The following PTK2 variants were observed in gnomAD, a reference collection of about 807,000 sequenced individuals.
PTK2 encodes focal adhesion kinase 1.
In PTK2, 45 loss-of-function variants were observed where a neutral mutation model predicts 150.1. The ratio of observed to expected loss-of-function variants is 0.30; its 90% CI spans 0.24 to 0.38. PTK2 has a LOEUF of 0.38. Among genes scored for constraint, PTK2 ranks in the 10% least tolerant of loss-of-function variants. The pLI is 1.00. For missense variants in PTK2, 919 were observed against 1,307.3 expected (o/e 0.70, Z 4.58); for synonymous variants, 432 against 449.2 (o/e 0.96, Z 0.48).
rs867860093 is a variant in PTK2 at position 140,730,965 on chromosome 8, C to T, written c.2030+4286G>A. Among the ~76,000 whole-genome samples the T allele has an allele frequency of 6.8e-3, 561 of 82,472 alleles. 4 individuals are homozygous for T. The highest frequency in any genetic ancestry group is 0.024 in the South Asian group (59 of 2,452). The allele number at this position is 82,472 out of a possible 152,430, so 54.1% of individuals were successfully genotyped here. A position where few individuals can be genotyped will look rare whatever the true frequency, so the allele number is the denominator to read the frequency against. ...GGAATTAAATTAAACCCCCCCCCCC[C>T]TTTTTTTTTTGAGACAAAGTCTCAC... On this transcript the variant is annotated intron_variant, in intron 22 of 31. Coordinates refer to ENST00000522684, the Ensembl canonical transcript of PTK2.
chr8:140,739,269 G>C (rs887738291), intron 20 of PTK2, among the ~76,000 whole-genome samples, 162 bp from the exon 24 acceptor site: 1 of 152,078 alleles, frequency 6.6e-6, no homozygotes, highest in East Asian at 1.9e-4. Flanking sequence ...TTGGTGTTTC[G>C]AGGTCACTTA....
chr8:140,873,040 C>T (rs1185465001), intron 4 of PTK2, among the ~76,000 whole-genome samples: 1 of 152,150 alleles, frequency 6.6e-6, no homozygotes, highest in African/African-American at 2.4e-5. Context: ...GAATAATCCC[C>T]AAGTGACTTG....
chr8:140,902,766 G>A (rs2100159035), intron 2 of PTK2, among the ~76,000 whole-genome samples: 4 of 152,084 alleles, frequency 2.6e-5, no homozygotes, highest in Admixed American at 2.6e-4. Flanking sequence ...TTCTTGAGAA[G>A]TGTCTGTTCA....
chr8:140,676,236 C>T (rs1418170936), intron 27 of PTK2, among the ~76,000 whole-genome samples: 5 of 151,854 alleles, frequency 3.3e-5, no homozygotes, highest in Admixed American at 6.6e-5. Context: ...ATTAGCTGGG[C>T]GTGGTGGTAC....
intron 23 of PTK2, among the ~76,000 whole-genome samples, chr8:140,709,729 G>A (rs2100035754): frequency 1.3e-5 from 2 of 152,212 alleles, no homozygotes; most frequent in African/African-American, 4.8e-5. Context: ...GCAAGGTCAT[G>A]ACACTTCCTC....
In PTK2 at chr8:140,787,859, C is replaced by T. The variant is rs141017748; in HGVS notation, c.1177+1615G>A. Among the ~76,000 whole-genome samples, 686 of 152,286 alleles carry T rather than the reference C, an allele frequency of 4.5e-3. 3 individuals carry two copies. The highest frequency in any genetic ancestry group is 0.016 in the African/African-American group (647 of 41,538). On this transcript the variant is annotated intron_variant, in intron 14 of 31. Transcript: ENST00000522684. ...GCAAGAAGACGGACCAAAGGGCCTG[C>T]GAGTTATTCAAAGCCCTGCTCAAAT...
At chr8:140,953,769 G>A (rs2100180288) in intron 1 of PTK2, among the ~76,000 whole-genome samples, 1 of 152,060 alleles carries the variant, frequency 6.6e-6, no homozygotes, top group Non-Finnish European at 1.5e-5. Context: ...CTGAATCCCA[G>A]CTTTGCCATC....
intron 27 of PTK2, among the ~76,000 whole-genome samples, chr8:140,679,881 A>G (rs2100016075): frequency 6.6e-6 from 1 of 152,190 alleles, no homozygotes; most frequent in Admixed American, 6.5e-5. Context: ...GTTTCACAAA[A>G]TGGGGCCAAA....
intron 10 of PTK2, among the ~76,000 whole-genome samples, chr8:140,815,479 TG>T (rs2100104172): frequency 6.6e-6 from 1 of 152,152 alleles, no homozygotes; most frequent in African/African-American, 2.4e-5. Flanking sequence ...GATTAATACC[TG>T]GGTGACAAAG....
chr8:140,838,027 A>T lies in PTK2; in HGVS notation c.594-7501T>A, dbSNP rs1198658186. Among the ~76,000 whole-genome samples, 56 of 151,878 alleles carry T rather than the reference A, an allele frequency of 3.7e-4. 1 individual carries two copies. The highest frequency in any genetic ancestry group is 3.7e-3 in the Admixed American group (56 of 15,232). On this transcript the variant is annotated intron_variant, in intron 7 of 31. Transcript: ENST00000522684. ...CTGCAAGCCGAGGTCACGCCACTGC[A>T]CTCCAGCCTGGGCAACAGAGCAAGA... is the stretch of plus-strand genomic sequence containing the variant.
intron 10 of PTK2, among the ~76,000 whole-genome samples, chr8:140,805,628 G>A (rs1177992550): frequency 6.7e-6 from 1 of 150,362 alleles, no homozygotes; most frequent in Non-Finnish European, 1.5e-5. Flanking sequence ...CATTCTCACT[G>A]ATTCTTCTCC....
chr8:140,958,197 G>A (rs923917829), intron 1 of PTK2, among the ~76,000 whole-genome samples: 2 of 152,172 alleles, frequency 1.3e-5, no homozygotes, highest in Non-Finnish European at 2.9e-5. Flanking sequence ...GAGTACAGTG[G>A]TGTGATCATG....
intron 14 of PTK2, among the ~76,000 whole-genome samples, chr8:140,777,675 G>A (rs554523575): frequency 7.2e-5 from 11 of 152,334 alleles, no homozygotes; most frequent in South Asian, 4.1e-4. Flanking sequence ...GGTGCTTTAA[G>A]TTGTTTTTCA....
intron 7 of PTK2, among the ~76,000 whole-genome samples, chr8:140,837,712 G>C (rs1379670852): frequency 3.3e-5 from 5 of 152,026 alleles, no homozygotes; most frequent in African/African-American, 1.2e-4. Context: ...CTGGGCAACA[G>C]AGAGAGACTC....
chr8:140,749,333 A>G (rs1031071337), intron 17 of PTK2, among the ~76,000 whole-genome samples: 3 of 152,238 alleles, frequency 2.0e-5, no homozygotes, highest in Non-Finnish European at 4.4e-5. Flanking sequence ...GTAAGTAACT[A>G]TTTATTATAA....
intron 13 of PTK2, among the ~76,000 whole-genome samples, chr8:140,791,573 G>C (rs560986284): frequency 6.6e-6 from 1 of 152,302 alleles, no homozygotes; most frequent in East Asian, 1.9e-4. Context: ...GTTGGCTGGG[G>C]AGGGTAGACA....
At chr8:140,853,994 A>G (rs1354815474) in intron 5 of PTK2, among the ~76,000 whole-genome samples, 1 of 152,226 alleles carries the variant, frequency 6.6e-6, no homozygotes, top group Admixed American at 6.5e-5. Flanking sequence ...GTAAAACTAC[A>G]AAAGAAAACT....
intron 14 of PTK2, among the ~76,000 whole-genome samples, chr8:140,777,962 A>T (rs890549998): frequency 6.6e-6 from 1 of 152,112 alleles, no homozygotes; most frequent in Non-Finnish European, 1.5e-5. Context: ...TCCCATAAAT[A>T]TCCCTAAAAC....
chr8:140,693,064 A>G (rs7812725), intron 26 of PTK2, among the ~76,000 whole-genome samples: 3 of 145,676 alleles, frequency 2.1e-5, no homozygotes, highest in East Asian at 4.1e-4. Context: ...ATGCAGTAAT[A>G]AAAAAAAAAA....
Sources: allele counts gnomAD v4.1 joint callset (sites outside exome capture counted in the v4.1 genomes callset), GRCh38; gene constraint gnomAD v4.1.1; transcripts MANE v1.5; gene names NCBI Gene and HGNC (gene_info 2026-07-23, HGNC 2026-07-21).